The following ASIC1 variants were observed in gnomAD, a reference collection of about 807,000 sequenced individuals.
ASIC1 encodes acid sensing ion channel subunit 1.
ASIC1 carries 21 observed loss-of-function variants against 63.4 expected under a neutral mutation model. The ratio of observed to expected loss-of-function variants is 0.33; its 90% CI spans 0.23 to 0.48. The LOEUF is 0.48. Among genes scored for constraint, ASIC1 ranks in the 20% least tolerant of loss-of-function variants. The pLI, the probability that ASIC1 is intolerant of heterozygous loss-of-function variation, is 0.99. For missense variants in ASIC1, 478 were observed against 695.5 expected (o/e 0.69, Z 3.52); for synonymous variants, 258 against 278.2 (o/e 0.93, Z 0.72).
chr12:50,068,030 A>G (rs913985019), intron 3 of ASIC1, among the ~76,000 whole-genome samples: 3 of 152,174 alleles, frequency 2.0e-5, no homozygotes, highest in Non-Finnish European at 2.9e-5. Context: ...ATGCTACCCC[A>G]TAAGAGTTAA....
chr12:50,068,531 A>G (rs1950567311), intron 3 of ASIC1, among the ~76,000 whole-genome samples: 1 of 151,784 alleles, frequency 6.6e-6, no homozygotes, highest in African/African-American at 2.4e-5. Context: ...TTCAATTACC[A>G]TCTACACACT....
chr12:50,060,124 C>T (rs1950487712), intron 3 of ASIC1, among the ~76,000 whole-genome samples, 170 bp downstream of exon 3: 1 of 152,174 alleles, frequency 6.6e-6, no homozygotes, highest in South Asian at 2.1e-4. Flanking sequence ...GGCACATTTG[C>T]ACTCACTGCA....
rs528316751 is a variant in ASIC1 at position 50,078,665 on chromosome 12, C to A, written c.994+88C>A. ...TCCCCATCCATATCAATCTCCCAAC[C>A]CCAGTTCCAGCCCACCCCATCCCAC... is the stretch of plus-strand genomic sequence containing the variant. On this transcript the variant is annotated intron_variant, in intron 6 of 11. Coordinates refer to ENST00000447966, the MANE Select transcript of ASIC1 (RefSeq NM_001095.4). The surrounding 1 kb of genome is among the most constrained non-coding windows in gnomAD (Gnocchi z 6.0). 5.2e-5 allele frequency: 81 copies of A among 1,569,240 alleles called. No homozygotes were observed. The African/African-American group carries it at 9.2e-4, about 18-fold the overall frequency.
chr12:50,073,797 C>T, intron 3 of ASIC1: 1 of 1,535,642 alleles, frequency 6.5e-7, no homozygotes, highest in Non-Finnish European at 8.7e-7. Context: ...CCAACAGCTG[C>T]ACCCTCCATG....
intron 3 of ASIC1, among the ~76,000 whole-genome samples, chr12:50,075,406 A>G (rs981214887): frequency 1.3e-5 from 2 of 152,188 alleles, no homozygotes; most frequent in African/African-American, 2.4e-5. Context: ...GAACCGGCGC[A>G]AGACAGGGCT....
chr12:50,068,624 T>A (rs1317015628), intron 3 of ASIC1, among the ~76,000 whole-genome samples: 1 of 151,864 alleles, frequency 6.6e-6, no homozygotes, highest in African/African-American at 2.4e-5. Flanking sequence ...TTAACGTCTC[T>A]ACTTGGATGT....
chr12:50,081,513 T>C (rs537554422), intron 11 of ASIC1, 32 bp from the exon 12 acceptor site: 5 of 1,582,944 alleles, frequency 3.2e-6, no homozygotes, highest in South Asian at 1.1e-5. Context: ...TTCCGAGGGA[T>C]AACCCGTCCC....
Position 50,082,802 on chromosome 12 carries a change from G to C in ASIC1, c.*1153G>C, listed in dbSNP as rs1485341996. 1 of 152,730 alleles carries C rather than the reference G, an allele frequency of 6.5e-6. No homozygotes were observed. Among genetic ancestry groups the C allele is most frequent in the African/African-American group, 2.4e-5 (1 of 41,412 alleles). The allele number at this position is 152,730 out of a possible 1,614,324, so 9.5% of individuals were successfully genotyped here. ...AGACGACACGCGCATTGTAACCTTT[G>C]CACTGTCTCAGTGGCGACAAAGGAA... On this transcript the variant is annotated 3_prime_UTR_variant, in exon 12 of 12. Transcript: ENST00000447966.
intron 3 of ASIC1, chr12:50,073,962 G>A (rs969999353): frequency 4.0e-5 from 62 of 1,535,750 alleles, no homozygotes; most frequent in Non-Finnish European, 4.8e-5. Context: ...TAAACGAAGT[G>A]GCCACCACGG....
Position 50,078,567 on chromosome 12 carries a change from G to A in ASIC1, c.984G>A (p.Val328=), listed in dbSNP as rs768204553. Reference sequence around the variant, plus strand: ...TGGAGAACTGCAACTGCCGCATGGTGCACATGCCAGGTCAGGCCTGGGGCT... The same window carrying A: ...TGGAGAACTGCAACTGCCGCATGGTACACATGCCAGGTCAGGCCTGGGGCT... ...YLVENCNCRM[V]HMPGDAPYCT... is the part of the protein sequence containing the mutation. Residue 328 remains valine (V), a synonymous_variant, in exon 6 of 12, where the codon GTG becomes GTA. Transcript: ENST00000447966. The surrounding 1 kb of genome is among the most constrained non-coding windows in gnomAD (Gnocchi z 6.0). 1.9e-6 allele frequency: 3 copies of A among 1,613,946 alleles called. No individual in the cohort carries two copies. The highest frequency in any genetic ancestry group is 2.7e-5 in the African/African-American group (2 of 74,904).
At chr12:50,080,223 C>A in intron 8 of ASIC1, 168 bp downstream of exon 8, 1 of 976,654 alleles carries the variant, frequency 1.0e-6, no homozygotes, top group Non-Finnish European at 1.5e-6. Flanking sequence ...GAAGATCAAG[C>A]CAGAATAAGC....
At chr12:50,079,792 G>T in intron 7 of ASIC1, 110 bp from the exon 8 acceptor site, 1 of 1,354,612 alleles carries the variant, frequency 7.4e-7, no homozygotes, top group Non-Finnish European at 1.0e-6. Context: ...GCAGGTCACG[G>T]AAAGAGAAAG....
rs1370301846 is a variant in ASIC1 at position 50,083,244 on chromosome 12, G to A, written c.*1595G>A. 1 of 152,254 alleles carries A rather than the reference G, an allele frequency of 6.6e-6. No homozygotes were observed. The highest frequency in any genetic ancestry group is 1.5e-5 in the Non-Finnish European group (1 of 68,056). The allele number at this position is 152,254 out of a possible 1,614,324, so 9.4% of individuals were successfully genotyped here. On this transcript the variant is annotated 3_prime_UTR_variant, in exon 12 of 12. Transcript: ENST00000447966. ...GAGGAAAGAGAGGCCTAGAGGAGGA[G>A]TTGAAAGCTCTGCTGTTGTCTCACC...
Position 50,076,367 on chromosome 12 carries a change from T to A in ASIC1, c.559-846T>A, listed in dbSNP as rs534419275. Among the ~76,000 whole-genome samples the A allele has an allele frequency of 3.3e-4, 50 of 152,012 alleles. No individual in the cohort carries two copies. In the South Asian group the frequency reaches 4.0e-3, roughly 12 times the overall value. On this transcript the variant is annotated intron_variant, in intron 3 of 11. Transcript: ENST00000447966. The stretch of plus-strand genomic sequence containing the variant: ...TTGTAATCCCAGCTACTTGGGAGGC[T>A]GAGGCAGGAGAATCACTTGAGCCCA...
intron 7 of ASIC1, among the ~76,000 whole-genome samples, chr12:50,079,367 T>C (rs1451135054): frequency 2.0e-5 from 3 of 152,066 alleles, no homozygotes; most frequent in Non-Finnish European, 2.9e-5. Context: ...GAGCCGAGAT[T>C]GCACCACTGC....
chr12:50,079,837 GC>G (rs1950696541), intron 7 of ASIC1, 64 bp from the exon 8 acceptor site: 2 of 1,533,032 alleles, frequency 1.3e-6, no homozygotes, highest in East Asian at 4.6e-5. Flanking sequence ...GCTAGGATGT[GC>G]ATGTGGGAAG....
chr12:50,077,977 C>A, intron 4 of ASIC1, 23 bp from the exon 5 acceptor site: 4 of 1,597,940 alleles, frequency 2.5e-6, no homozygotes, highest in Non-Finnish European at 3.4e-6. Flanking sequence ...CCCTCCCAAC[C>A]CACACACTCC....
chr12:50,078,430 C>G lies in ASIC1; in HGVS notation c.847C>G (p.Leu283Val). 1 of 1,614,032 alleles carries G rather than the reference C, an allele frequency of 6.2e-7. No homozygotes were observed. The highest frequency in any genetic ancestry group is 8.5e-7 in the Non-Finnish European group (1 of 1,179,936). Residue 283 changes from leucine (L) to valine (V), a missense_variant, in exon 6 of 12, where the codon CTG becomes GTG. Around this residue, in one of 3 missense-constraint regions of ASIC1, gnomAD observed 290 missense variants for 414.9 expected, o/e 0.70. Transcript: ENST00000447966. The surrounding 1 kb of genome is among the most constrained non-coding windows in gnomAD (Gnocchi z 6.0). ...VACQEQRLIY[L>V]PPPWGTCKAV... Reference sequence around the variant, plus strand: ...CCGGCTCTCCCAGCAGCTCATCTACCTGCCCCCACCCTGGGGCACCTGCAA... The same window carrying G: ...CCGGCTCTCCCAGCAGCTCATCTACGTGCCCCCACCCTGGGGCACCTGCAA...
chr12:50,069,584 G>A (rs1002968718), intron 3 of ASIC1, among the ~76,000 whole-genome samples: 7 of 152,220 alleles, frequency 4.6e-5, no homozygotes, highest in African/African-American at 1.4e-4. Flanking sequence ...ATAAGCCACC[G>A]CGCCCAGCCT....
Sources: allele counts gnomAD v4.1 joint callset (sites outside exome capture counted in the v4.1 genomes callset), GRCh38; gene constraint gnomAD v4.1.1; regional missense constraint gnomAD v4.1.1; non-coding constraint Gnocchi (gnomAD v3.1); transcripts MANE v1.5; gene names NCBI Gene and HGNC (gene_info 2026-07-23, HGNC 2026-07-21).